Variants in ACVR2A observed in about 807,000 individuals in gnomAD.
The protein encoded by ACVR2A is activin A receptor type 2A, also known as activin receptor type-2A.
Under a neutral mutation model 61.4 loss-of-function variants are expected in ACVR2A, and 7 were observed. The observed-to-expected ratio is 0.11, with a 90% CI of 0.06 to 0.21. ACVR2A has a LOEUF of 0.21. Ranked by LOEUF, ACVR2A falls within the 10% of genes least tolerant of loss-of-function variation. The probability of loss-of-function intolerance (pLI) is 1.00; values close to 1 mark genes in which losing one functional copy is unlikely to be tolerated. For missense variants in ACVR2A, 322 were observed against 621.7 expected (o/e 0.52, Z 5.13); for synonymous variants, 193 against 208.3 (o/e 0.93, Z 0.63).
In ACVR2A at chr2:147,896,347, T is replaced by C. The variant is rs77305399; in HGVS notation, c.102T>C (p.Asn34=). The C allele has an allele frequency of 1.2e-5, 19 of 1,613,962 alleles. No homozygotes were observed. The East Asian group carries it at 1.6e-4, about 13-fold the overall frequency. The change falls in exon 2 of 11, where the codon AAT becomes AAC. Residue 34 remains asparagine (N), a synonymous_variant. Coordinates refer to ENST00000241416, the MANE Select transcript of ACVR2A (RefSeq NM_001616.5). ...RSETQECLFF[N]ANWEKDRTNQ... ...AAACTCAGGAGTGTCTTTTCTTTAA[T>C]GCTAATTGGGAAAAAGACAGAACCA... is the stretch of plus-strand genomic sequence containing the variant.
chr2:147,910,882 A>G (rs1687095579), intron 4 of ACVR2A, among the ~76,000 whole-genome samples: 1 of 152,078 alleles, frequency 6.6e-6, no homozygotes, highest in South Asian at 2.1e-4. Flanking sequence ...GTTTTACTTA[A>G]TTCTGATGAT....
At position 147,930,355 on chromosome 2, in the gene ACVR2A, G is replaced by GTTTTTTTTT; in HGVS notation, c.*3090_*3098dup. Reference sequence around the variant, plus strand: ...GAATAAACTGATTACTGGTTTTTTTGTTTTTTTTTTTTTTTTTAAAGAAAG... The same window carrying GTTTTTTTTT: ...GAATAAACTGATTACTGGTTTTTTTGTTTTTTTTTTTTTTTTTTTTTTTTTTAAAGAAAG... On this transcript the variant is annotated 3_prime_UTR_variant, in exon 11 of 11. Transcript: ENST00000241416. The GTTTTTTTTT allele has an allele frequency of 7.6e-6, 1 of 132,288 alleles. No individual in the cohort carries two copies. The highest frequency in any genetic ancestry group is 1.7e-5 in the Non-Finnish European group (1 of 60,246). 8.2% of individuals were successfully genotyped at this position (132,288 alleles called of 1,614,324 possible).
At position 147,917,274 on chromosome 2, in the gene ACVR2A, T is replaced by C; in HGVS notation, c.673-9T>C. 6.2e-7 allele frequency: 1 copy of C among 1,609,970 alleles called. No individual in the cohort carries two copies. The highest frequency in any genetic ancestry group is 8.5e-7 in the Non-Finnish European group (1 of 1,177,658). Reference sequence around the variant, plus strand: ...TTGTGTTCTTACTATTCTTTCTTTTTGACTCTAGGACAAACAGTCATGGCA... The same window carrying C: ...TTGTGTTCTTACTATTCTTTCTTTTCGACTCTAGGACAAACAGTCATGGCA... On this transcript the variant is annotated splice_polypyrimidine_tract_variant and intron_variant, in intron 5 of 10. Transcript: ENST00000241416.
chr2:147,885,511 T>C (rs1447275658), intron 1 of ACVR2A, among the ~76,000 whole-genome samples: 1 of 152,176 alleles, frequency 6.6e-6, no homozygotes, highest in African/African-American at 2.4e-5. Context: ...TTAAAAGAGA[T>C]ATGTAAGCAG....
Position 147,928,735 on chromosome 2 carries a change from GT to G in ACVR2A, c.*1462del, listed in dbSNP as rs1687569292. 1 of 152,268 alleles carries G rather than the reference GT, an allele frequency of 6.6e-6. No individual in the cohort carries two copies. The highest frequency in any genetic ancestry group is 6.6e-5 in the Admixed American group (1 of 15,192). 9.4% of individuals were successfully genotyped at this position (152,268 alleles called of 1,614,324 possible). A position where few individuals can be genotyped will look rare whatever the true frequency, so the allele number is the denominator to read the frequency against. ...AGAAAATGGAATTGATGGTAGGCAGGTGCTAAAGTGCTTTTCAAAACAATAT... is the reference window on the plus strand; with the variant it reads ...AGAAAATGGAATTGATGGTAGGCAGGGCTAAAGTGCTTTTCAAAACAATAT... On this transcript the variant is annotated 3_prime_UTR_variant, in exon 11 of 11. Coordinates refer to ENST00000241416, the MANE Select transcript of ACVR2A (RefSeq NM_001616.5).
At chr2:147,880,130 T>C (rs902244849) in intron 1 of ACVR2A, among the ~76,000 whole-genome samples, 4 of 152,206 alleles carry the variant, frequency 2.6e-5, no homozygotes, top group Non-Finnish European at 5.9e-5. Context: ...TAAGGTATCA[T>C]TACTACCTAC....
At chr2:147,923,206 G>GTT in intron 9 of ACVR2A, 95 bp downstream of exon 9, 1 of 1,346,494 alleles carries the variant, frequency 7.4e-7, no homozygotes, top group Non-Finnish European at 9.9e-7. Flanking sequence ...TTAAAGTACA[G>GTT]TTTTTTTTTA....
intron 1 of ACVR2A, among the ~76,000 whole-genome samples, chr2:147,863,627 A>G (rs921011145): frequency 6.6e-6 from 1 of 152,224 alleles, no homozygotes; most frequent in Non-Finnish European, 1.5e-5. Context: ...AAGAAAAATC[A>G]TAAGGGAGGG....
intron 1 of ACVR2A, among the ~76,000 whole-genome samples, chr2:147,855,538 AC>A (rs1685549436): frequency 6.6e-6 from 1 of 152,170 alleles, no homozygotes; most frequent in Non-Finnish European, 1.5e-5. Flanking sequence ...ACCATTAGGA[AC>A]CTGTTGCATC....
intron 1 of ACVR2A, among the ~76,000 whole-genome samples, chr2:147,879,622 C>T (rs1436958051): frequency 1.3e-5 from 2 of 152,146 alleles, no homozygotes; most frequent in African/African-American, 2.4e-5. Context: ...CCACTTGTCT[C>T]ATGTGAGTTG....
intron 9 of ACVR2A, 172 bp from the exon 10 acceptor site, chr2:147,925,859 A>G (rs886652515): frequency 8.9e-6 from 5 of 563,258 alleles, no homozygotes; most frequent in African/African-American, 7.6e-5. Flanking sequence ...CCCATACATT[A>G]GTTTGGTCAC....
In ACVR2A at chr2:147,885,735, A is replaced by G. The variant is rs180699942; in HGVS notation, c.56-10566A>G. 1.7e-3 allele frequency among the ~76,000 whole-genome samples: 263 copies of G among 152,300 alleles called. 1 individual carries two copies. Among genetic ancestry groups the G allele is most frequent in the African/African-American group, 5.9e-3 (246 of 41,592 alleles). On this transcript the variant is annotated intron_variant, in intron 1 of 10. Transcript: ENST00000241416. Reference sequence around the variant, plus strand: ...CACTCAAAAAGAAAGTAACGAGATGATACTTGGTGAAGATGTAGGTAAAGT... The same window carrying G: ...CACTCAAAAAGAAAGTAACGAGATGGTACTTGGTGAAGATGTAGGTAAAGT...
At chr2:147,919,515 G>A (rs1160856782) in intron 7 of ACVR2A, among the ~76,000 whole-genome samples, 1 of 152,086 alleles carries the variant, frequency 6.6e-6, no homozygotes, top group African/African-American at 2.4e-5. Context: ...TGTGCTTTCA[G>A]TATCCCATTA....
intron 1 of ACVR2A, 33 bp from the exon 2 acceptor site, chr2:147,896,268 T>G: frequency 6.4e-7 from 1 of 1,553,148 alleles, no homozygotes; most frequent in Non-Finnish European, 8.8e-7. Context: ...TAACAGATAA[T>G]GTGGTTATAT....
intron 9 of ACVR2A, among the ~76,000 whole-genome samples, chr2:147,923,932 T>G (rs1255242411): frequency 1.3e-5 from 2 of 152,116 alleles, no homozygotes; most frequent in African/African-American, 4.8e-5. Flanking sequence ...TTTTATTTTC[T>G]GAGTACTGTA....
At chr2:147,857,975 TC>T (rs1685629664) in intron 1 of ACVR2A, among the ~76,000 whole-genome samples, 1 of 152,116 alleles carries the variant, frequency 6.6e-6, no homozygotes, top group South Asian at 2.1e-4. Context: ...ATCCTCTCCC[TC>T]CTCCCTCCCA....
intron 2 of ACVR2A, 194 bp downstream of exon 2, chr2:147,896,702 T>A (rs943088229): frequency 1.8e-6 from 1 of 547,906 alleles, no homozygotes. Context: ...ATATATATGT[T>A]TTATCTTTGA....
chr2:147,898,862 C>A (rs1001183824), intron 2 of ACVR2A, among the ~76,000 whole-genome samples: 1 of 152,038 alleles, frequency 6.6e-6, no homozygotes, highest in South Asian at 2.1e-4. Context: ...CTCATCTCAA[C>A]CCTGTTCATT....
At chr2:147,849,351 A>G (rs1403002833) in intron 1 of ACVR2A, among the ~76,000 whole-genome samples, 1 of 152,154 alleles carries the variant, frequency 6.6e-6, no homozygotes, top group African/African-American at 2.4e-5. Context: ...TGCCTGAAAT[A>G]TGTTCACTAT....
Sources: gnomAD v4.1 joint callset for allele counts (sites outside exome capture counted in the v4.1 genomes callset) on GRCh38, gnomAD v4.1.1 for gene constraint, MANE v1.5 for transcripts, NCBI Gene and HGNC (gene_info 2026-07-23, HGNC 2026-07-21) for gene names.